Variants in ELAVL2 observed in about 807,000 individuals in gnomAD.
ELAVL2 encodes the protein ELAV like RNA binding protein 2.
Under a neutral mutation model 34.6 loss-of-function variants are expected in ELAVL2, and 4 were observed. The observed-to-expected ratio is 0.12, with a 90% CI of 0.06 to 0.26. The LOEUF (loss-of-function observed/expected upper bound fraction) is 0.26. Ranked by LOEUF, ELAVL2 falls within the 10% of genes least tolerant of loss-of-function variation. The probability of loss-of-function intolerance (pLI) is 1.00; values close to 1 mark genes in which losing one functional copy is unlikely to be tolerated. For synonymous variants in ELAVL2, 193 were observed against 154.8 expected (o/e 1.25, Z -1.83); for missense variants, 432 against 442.8 (o/e 0.98, Z 0.22).
Position 23,692,240 on chromosome 9 carries a change from T to G in ELAVL2, c.*317A>C. On this transcript the variant is annotated 3_prime_UTR_variant, in exon 7 of 7. Transcript: ENST00000397312. ...TTTACTCACAGGTTCAAGGCAGTTATGTAAAAAGAAAAGAAATGTCTTCCC... is the reference window on the plus strand; with the variant it reads ...TTTACTCACAGGTTCAAGGCAGTTAGGTAAAAAGAAAAGAAATGTCTTCCC... The G allele has an allele frequency of 4.5e-6, 1 of 223,894 alleles. No individual in the cohort carries two copies. The highest frequency in any genetic ancestry group is 8.9e-6 in the Non-Finnish European group (1 of 112,632). 13.9% of individuals were successfully genotyped at this position (223,894 alleles called of 1,614,324 possible). A position where few individuals can be genotyped will look rare whatever the true frequency, so the allele number is the denominator to read the frequency against.
intron 1 of ELAVL2, among the ~76,000 whole-genome samples, chr9:23,764,005 T>C (rs1345145290): frequency 6.6e-6 from 1 of 152,178 alleles, no homozygotes; most frequent in Non-Finnish European, 1.5e-5. Flanking sequence ...TTATTATAAT[T>C]AGCAAATCTA....
At chr9:23,697,499 T>C (rs1333343928) in intron 5 of ELAVL2, among the ~76,000 whole-genome samples, 2 of 152,190 alleles carry the variant, frequency 1.3e-5, no homozygotes, top group Admixed American at 6.5e-5. Flanking sequence ...TCCTTTTTTA[T>C]GTTTGATTAG....
At chr9:23,827,501 A>C (rs1337532397), upstream of ELAVL2, among the ~76,000 whole-genome samples, 1 of 152,088 alleles carries the variant, frequency 6.6e-6, no homozygotes, top group African/African-American at 2.4e-5. Context: ...AGATAGCACC[A>C]ACTTCCTAGA....
At chr9:23,849,865 G>A in the ELAVL2 span, 1 of 152,050 alleles carries the variant, frequency 6.6e-6, no homozygotes, top group East Asian at 1.9e-4. Flanking sequence ...AGACCGAGCA[G>A]ACGAGAAGAA....
chr9:23,770,686 C>T (rs1325353442), intron 1 of ELAVL2, among the ~76,000 whole-genome samples: 1 of 152,194 alleles, frequency 6.6e-6, no homozygotes, highest in Non-Finnish European at 1.5e-5. Flanking sequence ...CTCATAAAGA[C>T]TCTGGGAGGA....
chr9:23,726,355 G>A (rs1486291347), intron 3 of ELAVL2, among the ~76,000 whole-genome samples: 1 of 152,038 alleles, frequency 6.6e-6, no homozygotes, highest in Non-Finnish European at 1.5e-5. Context: ...TTAAGCAAAG[G>A]TAAATTTTAG....
In ELAVL2 at chr9:23,691,566, T is replaced by A. The variant is rs1302865299; in HGVS notation, c.*991A>T. ...TAAATTTCTTGCCTGCTCTTATATA[T>A]TCTTTTGTAAATTTTTTTTATTTGT... On this transcript the variant is annotated 3_prime_UTR_variant, in exon 7 of 7. Transcript: ENST00000397312. 6.6e-6 allele frequency: 1 copy of A among 152,668 alleles called. No homozygotes were observed. Among genetic ancestry groups the A allele is most frequent in the Middle Eastern group, 3.4e-3 (1 of 294 alleles). 9.5% of individuals were successfully genotyped at this position (152,668 alleles called of 1,614,324 possible). A position where few individuals can be genotyped will look rare whatever the true frequency, so the allele number is the denominator to read the frequency against.
chr9:23,771,305 C>G (rs1175660016), intron 1 of ELAVL2, among the ~76,000 whole-genome samples: 1 of 152,150 alleles, frequency 6.6e-6, no homozygotes, highest in Non-Finnish European at 1.5e-5. Context: ...ACTAACTGCT[C>G]ACATTCCTAC....
chr9:23,777,002 T>A lies in ELAVL2; in HGVS notation c.-15-14753A>T, dbSNP rs759360560. 2.6e-5 allele frequency among the ~76,000 whole-genome samples: 4 copies of A among 152,284 alleles called. No individual in the cohort carries two copies. The Middle Eastern group carries it at 0.01, about 388-fold the overall frequency. Reference sequence around the variant, plus strand: ...CCTGATTTAGAATTGCTCAGAGAGTTTTCCAGGTACCCATTTCCTGTTACA... The same window carrying A: ...CCTGATTTAGAATTGCTCAGAGAGTATTCCAGGTACCCATTTCCTGTTACA... On this transcript the variant is annotated intron_variant, in intron 1 of 6. Coordinates refer to ENST00000397312, the MANE Select transcript of ELAVL2 (RefSeq NM_004432.5).
chr9:23,734,489 G>C (rs1238787512), intron 2 of ELAVL2, among the ~76,000 whole-genome samples: 1 of 152,132 alleles, frequency 6.6e-6, no homozygotes, highest in African/African-American at 2.4e-5. Context: ...TTCAAATGCT[G>C]TGCTCTACTC....
chr9:23,817,264 A>G (rs2063845487), intron 1 of ELAVL2, among the ~76,000 whole-genome samples: 1 of 152,100 alleles, frequency 6.6e-6, no homozygotes, highest in South Asian at 2.1e-4. Flanking sequence ...AAGACACTGT[A>G]AGGCATTCTA....
chr9:23,803,169 A>G (rs1056418952), intron 1 of ELAVL2, among the ~76,000 whole-genome samples: 1 of 152,210 alleles, frequency 6.6e-6, no homozygotes, highest in Non-Finnish European at 1.5e-5. Context: ...GGGACTATGT[A>G]AACTACTTCT....
intron 1 of ELAVL2, among the ~76,000 whole-genome samples, chr9:23,773,254 C>A (rs1040330068): frequency 6.6e-6 from 1 of 152,144 alleles, no homozygotes; most frequent in Non-Finnish European, 1.5e-5. Flanking sequence ...CACTATAGAA[C>A]AGGTAAGGCC....
chr9:23,722,755 A>G (rs1395270076), intron 3 of ELAVL2, among the ~76,000 whole-genome samples: 1 of 152,242 alleles, frequency 6.6e-6, no homozygotes, highest in Non-Finnish European at 1.5e-5. Flanking sequence ...GCTTTATTTC[A>G]TCAAAGGGAT....
intron 1 of ELAVL2, among the ~76,000 whole-genome samples, chr9:23,797,679 G>C (rs1444499781): frequency 2.6e-5 from 4 of 152,236 alleles, no homozygotes; most frequent in African/African-American, 9.6e-5. Context: ...TGTAATCCCA[G>C]TACTTTGGGA....
chr9:23,777,164 T>C (rs2058341449), intron 1 of ELAVL2, among the ~76,000 whole-genome samples: 1 of 152,190 alleles, frequency 6.6e-6, no homozygotes, highest in African/African-American at 2.4e-5. Flanking sequence ...TACCAGGCAA[T>C]ATAGTCTACA....
intron 4 of ELAVL2, among the ~76,000 whole-genome samples, chr9:23,701,860 A>G (rs553760980): frequency 6.6e-6 from 1 of 152,278 alleles, no homozygotes; most frequent in African/African-American, 2.4e-5. Context: ...CATTCCAATC[A>G]GCTAAGACAA....
chr9:23,735,238 T>C (rs1337015765), intron 2 of ELAVL2: 1 of 151,734 alleles, frequency 6.6e-6, no homozygotes, highest in Non-Finnish European at 1.5e-5. Context: ...AGAAGCTACC[T>C]GTGGTCAAGT....
At chr9:23,723,401 A>T (rs1018306058) in intron 3 of ELAVL2, among the ~76,000 whole-genome samples, 5 of 151,964 alleles carry the variant, frequency 3.3e-5, no homozygotes, top group Admixed American at 1.3e-4. Flanking sequence ...AAGGGGAACA[A>T]CACACCCTGG....
Sources: gnomAD v4.1 joint callset for allele counts (sites outside exome capture counted in the v4.1 genomes callset) on GRCh38, gnomAD v4.1.1 for gene constraint, MANE v1.5 for transcripts, NCBI Gene and HGNC (gene_info 2026-07-23, HGNC 2026-07-21) for gene names.